The following WWC2 variants were observed in gnomAD, a reference collection of about 807,000 sequenced individuals.
WWC2 encodes WW and C2 domain containing 2.
WWC2 carries 101 observed loss-of-function variants against 138.5 expected under a neutral mutation model. The observed-to-expected ratio is 0.73, with a 90% CI of 0.62 to 0.86. The LOEUF is 0.86. Ranked by LOEUF, WWC2 falls within the 40% of genes least tolerant of loss-of-function variation. The pLI, the probability that WWC2 is intolerant of heterozygous loss-of-function variation, is 0.00. For missense variants in WWC2, 1,420 were observed against 1,419.4 expected (o/e 1.00, Z -0.01); for synonymous variants, 558 against 538.4 (o/e 1.04, Z -0.50).
At chr4:183,149,591 C>A (rs79565349) in intron 1 of WWC2, among the ~76,000 whole-genome samples, 2 of 149,946 alleles carry the variant, frequency 1.3e-5, no homozygotes, top group African/African-American at 2.5e-5. Flanking sequence ...CATTGCACTC[C>A]AGCCTGGGCA....
intron 1 of WWC2, among the ~76,000 whole-genome samples, chr4:183,107,351 G>A (rs529566825): frequency 6.6e-6 from 1 of 152,164 alleles, no homozygotes; most frequent in East Asian, 1.9e-4. Context: ...TAGTAGAGAC[G>A]GGGTTGGGCC....
chr4:183,299,558 C>A (rs1268494715), intron 21 of WWC2, among the ~76,000 whole-genome samples: 1 of 152,174 alleles, frequency 6.6e-6, no homozygotes, highest in African/African-American at 2.4e-5. Context: ...TTTGCAAAAA[C>A]CAGTTTTTTG....
chr4:183,270,263 A>C (rs1220204964), intron 15 of WWC2, among the ~76,000 whole-genome samples: 1 of 152,204 alleles, frequency 6.6e-6, no homozygotes. Flanking sequence ...AGAAGAGTGT[A>C]ATTGAATTTA....
intron 1 of WWC2, among the ~76,000 whole-genome samples, chr4:183,131,638 T>G (rs1386101903): frequency 6.6e-6 from 1 of 152,174 alleles, no homozygotes; most frequent in Non-Finnish European, 1.5e-5. Context: ...AATTGCTTGT[T>G]TTTTAACTGT....
intron 4 of WWC2, among the ~76,000 whole-genome samples, chr4:183,218,182 A>G (rs1201092786): frequency 6.6e-6 from 1 of 152,232 alleles, no homozygotes; most frequent in Non-Finnish European, 1.5e-5. Flanking sequence ...AAGGCAAAAC[A>G]GCCAGTATAA....
chr4:183,155,194 G>GAA (rs1480550829), intron 1 of WWC2, among the ~76,000 whole-genome samples: 15 of 44,494 alleles, frequency 3.4e-4, no homozygotes, highest in Admixed American at 1.3e-3. Context: ...TCTGAGGAGA[G>GAA]AGAGAGAGAG....
chr4:183,180,588 T>C (rs928928739), intron 1 of WWC2, among the ~76,000 whole-genome samples: 1 of 146,906 alleles, frequency 6.8e-6, no homozygotes, highest in African/African-American at 2.5e-5. Context: ...AATCCATATA[T>C]CTGTAAACTG....
At chr4:183,202,570 T>C (rs1735331537) in intron 2 of WWC2, among the ~76,000 whole-genome samples, 1 of 152,212 alleles carries the variant, frequency 6.6e-6, no homozygotes, top group South Asian at 2.1e-4. Flanking sequence ...TGGTGGAGTG[T>C]GCAAATTCCA....
At chr4:183,129,113 C>T (rs1041303040) in intron 1 of WWC2, among the ~76,000 whole-genome samples, 2 of 152,184 alleles carry the variant, frequency 1.3e-5, no homozygotes, top group Non-Finnish European at 2.9e-5. Flanking sequence ...TTGCTTTTTA[C>T]TATGACACTA....
intron 1 of WWC2, among the ~76,000 whole-genome samples, chr4:183,181,975 CAT>C (rs767263020): frequency 1.3e-5 from 2 of 152,014 alleles, no homozygotes; most frequent in Non-Finnish European, 1.5e-5. Flanking sequence ...CTACAGTATA[CAT>C]AGAGTTTATT....
chr4:183,205,907 G>C (rs144858591), intron 2 of WWC2, among the ~76,000 whole-genome samples: 136 of 152,156 alleles, frequency 8.9e-4, no homozygotes, highest in Middle Eastern at 3.4e-3. Flanking sequence ...TGCATTTCCC[G>C]TTGTCATCTC....
chr4:183,309,350 T>A (rs370224760), intron 21 of WWC2, among the ~76,000 whole-genome samples: 12 of 152,240 alleles, frequency 7.9e-5, no homozygotes, highest in African/African-American at 2.9e-4. Context: ...GATAAAGGAC[T>A]GTTATCTAAG....
At chr4:183,282,543 G>C in intron 17 of WWC2, 165 bp from the exon 18 acceptor site, 2 of 686,060 alleles carry the variant, frequency 2.9e-6, no homozygotes, top group Non-Finnish European at 4.8e-6. Context: ...GGTGAAGAGA[G>C]GATTTTTTTA....
chr4:183,118,019 T>A (rs144133003), intron 1 of WWC2, among the ~76,000 whole-genome samples: 11 of 151,812 alleles, frequency 7.2e-5, no homozygotes, highest in African/African-American at 2.7e-4. Context: ...AGGCTGGTCT[T>A]GAACTGCTGA....
intron 4 of WWC2, among the ~76,000 whole-genome samples, chr4:183,227,194 GA>G (rs931789386): frequency 1.3e-5 from 2 of 151,708 alleles, no homozygotes; most frequent in African/African-American, 2.4e-5. Context: ...GATAAAGGAG[GA>G]AAAAAAACAT....
At chr4:183,300,235 G>A (rs1355801918) in intron 21 of WWC2, among the ~76,000 whole-genome samples, 3 of 152,004 alleles carry the variant, frequency 2.0e-5, no homozygotes, top group East Asian at 1.9e-4. Flanking sequence ...CCCAGGCCTC[G>A]TAAGCCCGGC....
intron 1 of WWC2, among the ~76,000 whole-genome samples, chr4:183,152,500 TAAAAA>T (rs1007359217): frequency 8.0e-6 from 1 of 124,926 alleles, no homozygotes; most frequent in Admixed American, 8.3e-5. Context: ...CCCTGCCTCT[TAAAAA>T]AAAGAAAAAA....
chr4:183,129,043 A>G (rs562555952), intron 1 of WWC2, among the ~76,000 whole-genome samples: 11 of 152,302 alleles, frequency 7.2e-5, no homozygotes, highest in East Asian at 3.9e-4. Context: ...ACATAAGCAA[A>G]GAGTGTGACC....
chr4:183,273,350 G>C (rs1284388314), intron 16 of WWC2, among the ~76,000 whole-genome samples: 3 of 151,860 alleles, frequency 2.0e-5, no homozygotes, highest in African/African-American at 7.3e-5. Context: ...TATTGCCCAG[G>C]CTGGAGTACA....
Sources: allele counts gnomAD v4.1 joint callset (sites outside exome capture counted in the v4.1 genomes callset), GRCh38; gene constraint gnomAD v4.1.1; transcripts MANE v1.5; gene names NCBI Gene and HGNC (gene_info 2026-07-23, HGNC 2026-07-21).